The following CSGALNACT1 variants were observed in gnomAD, a reference collection of about 807,000 sequenced individuals.
CSGALNACT1 encodes the protein chondroitin sulfate N-acetylgalactosaminyltransferase 1.
In CSGALNACT1, 52 loss-of-function variants were observed where a neutral mutation model predicts 51.0. The observed-to-expected ratio is 1.02, with a 90% confidence interval of 0.82 to 1.29. The LOEUF (loss-of-function observed/expected upper bound fraction) is 1.29. Among genes scored for constraint, CSGALNACT1 ranks in the 50% most tolerant of loss-of-function variants. CSGALNACT1 has a pLI of 0.00. For missense variants in CSGALNACT1, 935 were observed against 679.2 expected (o/e 1.38, Z -4.19); for synonymous variants, 341 against 254.4 (o/e 1.34, Z -3.24).
chr8:19,638,358 C>T (rs1417777530), intron 1 of CSGALNACT1, among the ~76,000 whole-genome samples: 2 of 152,090 alleles, frequency 1.3e-5, no homozygotes, highest in Middle Eastern at 3.2e-3. Context: ...AAGCACTGCC[C>T]CAAGTGGCGA....
At chr8:19,680,956 G>A (rs913163638) in intron 1 of CSGALNACT1, among the ~76,000 whole-genome samples, 3 of 152,000 alleles carry the variant, frequency 2.0e-5, no homozygotes, top group Non-Finnish European at 4.4e-5. Context: ...TTGTATATGT[G>A]GTCCCTTGTT....
chr8:19,697,249 A>C (rs2061631736), intron 1 of CSGALNACT1, among the ~76,000 whole-genome samples: 1 of 152,166 alleles, frequency 6.6e-6, no homozygotes. Flanking sequence ...ATCAGAGGCA[A>C]GCACTTGGGA....
At chr8:19,419,377 C>A (rs911569449) in intron 7 of CSGALNACT1, among the ~76,000 whole-genome samples, 1 of 152,212 alleles carries the variant, frequency 6.6e-6, no homozygotes, top group Non-Finnish European at 1.5e-5. Context: ...TACTTGCTGG[C>A]TCATGGGATC....
chr8:19,412,928 T>G (rs2056154888), intron 8 of CSGALNACT1, among the ~76,000 whole-genome samples: 1 of 152,072 alleles, frequency 6.6e-6, no homozygotes, highest in Non-Finnish European at 1.5e-5. Flanking sequence ...TTCTTGTGGC[T>G]TCTTAGTATG....
chr8:19,537,317 T>TAA (rs2083981441), intron 3 of CSGALNACT1, among the ~76,000 whole-genome samples: 1 of 152,172 alleles, frequency 6.6e-6, no homozygotes, highest in African/African-American at 2.4e-5. Flanking sequence ...CTAAGCCAGT[T>TAA]TGTCTGACTC....
chr8:19,496,847 GCT>G (rs2153976381), intron 4 of CSGALNACT1, among the ~76,000 whole-genome samples: 1 of 152,250 alleles, frequency 6.6e-6, no homozygotes, highest in East Asian at 1.9e-4. Context: ...CCTTTCGCAA[GCT>G]CTTTCTCCAG....
At chr8:19,463,252 T>C (rs545923875) in intron 4 of CSGALNACT1, among the ~76,000 whole-genome samples, 4 of 152,352 alleles carry the variant, frequency 2.6e-5, no homozygotes, top group African/African-American at 7.2e-5. Flanking sequence ...ATTCTATGGC[T>C]TCGCTATTGT....
intron 1 of CSGALNACT1, among the ~76,000 whole-genome samples, chr8:19,649,734 G>A (rs1018584604): frequency 1.4e-5 from 2 of 141,506 alleles, no homozygotes; most frequent in Admixed American, 1.5e-4. Context: ...GTTTACTACA[G>A]ATTAGCCAAG....
chr8:19,551,481 CAGATT>C (rs2088073299), intron 3 of CSGALNACT1, among the ~76,000 whole-genome samples: 1 of 152,306 alleles, frequency 6.6e-6, no homozygotes, highest in Admixed American at 6.5e-5. Context: ...TAGGGTGAGA[CAGATT>C]AGAGCATTTC....
chr8:19,608,290 C>T (rs570943400), intron 1 of CSGALNACT1, among the ~76,000 whole-genome samples: 3 of 152,196 alleles, frequency 2.0e-5, no homozygotes, highest in Middle Eastern at 3.2e-3. Context: ...CATTCCCACA[C>T]CTTATACACC....
chr8:19,723,797 T>C (rs956999788), intron 1 of CSGALNACT1, among the ~76,000 whole-genome samples: 3 of 152,220 alleles, frequency 2.0e-5, no homozygotes, highest in African/African-American at 7.2e-5. Context: ...CAAGTGGCTA[T>C]ATTACAATCT....
chr8:19,576,273 G>A (rs887012795), intron 3 of CSGALNACT1, among the ~76,000 whole-genome samples: 1 of 152,058 alleles, frequency 6.6e-6, no homozygotes, highest in Non-Finnish European at 1.5e-5. Context: ...TCAGCTCAGT[G>A]CAACCTCCAC....
intron 2 of CSGALNACT1, among the ~76,000 whole-genome samples, chr8:19,596,498 A>G (rs780751822): frequency 1.3e-5 from 2 of 152,158 alleles, no homozygotes; most frequent in Non-Finnish European, 2.9e-5. Context: ...TCTGATAAGC[A>G]AAAAGATCCT....
At chr8:19,640,878 G>GT (rs1417603017) in intron 1 of CSGALNACT1, among the ~76,000 whole-genome samples, 1 of 148,974 alleles carries the variant, frequency 6.7e-6, no homozygotes, top group Non-Finnish European at 1.5e-5. Context: ...TTAAGTTTTG[G>GT]TTGTTTTTTT....
At position 19,542,200 on chromosome 8, in the gene CSGALNACT1, A is replaced by AACACACACACACACACACACACAC. The variant is rs55968136; in HGVS notation, c.-296-36094_-296-36071dup. On this transcript the variant is annotated intron_variant, in intron 3 of 9. Coordinates refer to ENST00000454498, the Ensembl canonical transcript of CSGALNACT1. ...AAGAAAGAAGAGAGACAGCACAAGA[A>AACACACACACACACACACACACAC]ACACACACACACACACACACACACA... 1.8e-4 allele frequency among the ~76,000 whole-genome samples: 26 copies of AACACACACACACACACACACACAC among 144,036 alleles called. No individual in the cohort carries two copies. The South Asian group carries it at 3.2e-3, about 18-fold the overall frequency. 94.5% of individuals were successfully genotyped at this position (144,036 alleles called of 152,430 possible).
At chr8:19,601,599 C>T (rs886117646) in intron 2 of CSGALNACT1, among the ~76,000 whole-genome samples, 172 bp downstream of exon 2, 1 of 152,104 alleles carries the variant, frequency 6.6e-6, no homozygotes, top group African/African-American at 2.4e-5. Flanking sequence ...TTCAATGGAG[C>T]CAAGTAATTG....
intron 1 of CSGALNACT1, among the ~76,000 whole-genome samples, chr8:19,613,286 G>A (rs1054525393): frequency 2.0e-5 from 3 of 151,982 alleles, no homozygotes; most frequent in African/African-American, 7.3e-5. Context: ...TTTCTATTTA[G>A]TGCTTTGTTT....
At chr8:19,682,602 C>T, upstream of CSGALNACT1, 1 of 453,946 alleles carries the variant, frequency 2.2e-6, no homozygotes. Flanking sequence ...CTGATGTACA[C>T]TGGGACTTCA....
chr8:19,507,419 C>T (rs1022057576), intron 3 of CSGALNACT1, among the ~76,000 whole-genome samples: 1 of 151,154 alleles, frequency 6.6e-6, no homozygotes, highest in African/African-American at 2.4e-5. Flanking sequence ...CCCCTGGGGT[C>T]ACCCTTCCTG....
Sources: allele counts gnomAD v4.1 joint callset (sites outside exome capture counted in the v4.1 genomes callset), GRCh38; gene constraint gnomAD v4.1.1; transcripts MANE v1.5; gene names NCBI Gene and HGNC (gene_info 2026-07-23, HGNC 2026-07-21).